The following FGF12 variants were observed in gnomAD, a reference collection of about 807,000 sequenced individuals.
FGF12 encodes the protein fibroblast growth factor 12, also known as fibroblast growth factor 12B.
FGF12 carries 14 observed loss-of-function variants against 23.6 expected under a neutral mutation model. The ratio of observed to expected loss-of-function variants is 0.59; its 90% CI spans 0.39 to 0.93. The LOEUF (loss-of-function observed/expected upper bound fraction) is 0.93. Ranked by LOEUF, FGF12 falls within the 40% of genes least tolerant of loss-of-function variation. The probability of loss-of-function intolerance (pLI) is 0.00; values close to 1 mark genes in which losing one functional copy is unlikely to be tolerated. For missense variants in FGF12, 175 were observed against 217.8 expected (o/e 0.80, Z 1.24); for synonymous variants, 62 against 77.3 (o/e 0.80, Z 1.04).
intron 4 of FGF12, among the ~76,000 whole-genome samples, chr3:192,287,132 A>G (rs1009187957): frequency 6.6e-6 from 1 of 152,050 alleles, no homozygotes; most frequent in African/African-American, 2.4e-5. Flanking sequence ...AATTTTGTCA[A>G]TCTCCCTGTT....
At chr3:192,521,692 T>A (rs920071076) in intron 2 of FGF12, among the ~76,000 whole-genome samples, 2 of 152,154 alleles carry the variant, frequency 1.3e-5, no homozygotes, top group Non-Finnish European at 2.9e-5. Flanking sequence ...TCTGGTAAAC[T>A]TTCCCTCCTA....
chr3:192,162,982 C>G (rs115853728), intron 5 of FGF12, among the ~76,000 whole-genome samples: 140 of 152,238 alleles, frequency 9.2e-4, no homozygotes, highest in African/African-American at 3.2e-3. Flanking sequence ...TTTGATCTGA[C>G]AGAATTCTCT....
chr3:192,332,265 G>T (rs1717163686), intron 4 of FGF12, among the ~76,000 whole-genome samples: 1 of 151,898 alleles, frequency 6.6e-6, no homozygotes, highest in South Asian at 2.1e-4. Context: ...ATTTAGCAAA[G>T]TATGTCGTGA....
chr3:192,148,742 A>G (rs572673697), intron 5 of FGF12, among the ~76,000 whole-genome samples: 163 of 152,336 alleles, frequency 1.1e-3, no homozygotes, highest in Non-Finnish European at 1.7e-3. Flanking sequence ...CAATTCCCCA[A>G]TAATAAAAAA....
intron 4 of FGF12, among the ~76,000 whole-genome samples, chr3:192,184,669 G>T (rs1403042): frequency 1.3e-5 from 2 of 152,272 alleles, no homozygotes; most frequent in South Asian, 2.1e-4. Context: ...GAGTTCATTT[G>T]TGATTCAGAA....
chr3:192,466,002 C>T (rs921290507), intron 2 of FGF12, among the ~76,000 whole-genome samples: 2 of 152,140 alleles, frequency 1.3e-5, no homozygotes, highest in African/African-American at 2.4e-5. Flanking sequence ...CATCATCAGG[C>T]GATCGCTACT....
intron 2 of FGF12, among the ~76,000 whole-genome samples, chr3:192,551,440 T>G (rs1177343367): frequency 1.3e-5 from 2 of 152,252 alleles, no homozygotes; most frequent in African/African-American, 2.4e-5. Flanking sequence ...GAGAGTATTC[T>G]GTGACACTCT....
At chr3:192,157,067 A>G (rs1004837709) in intron 5 of FGF12, among the ~76,000 whole-genome samples, 1 of 152,220 alleles carries the variant, frequency 6.6e-6, no homozygotes, top group African/African-American at 2.4e-5. Context: ...CCTTATTTTC[A>G]GACACAAGGA....
At chr3:192,384,587 A>G (rs544196277) in intron 2 of FGF12, among the ~76,000 whole-genome samples, 2 of 152,350 alleles carry the variant, frequency 1.3e-5, no homozygotes, top group South Asian at 4.1e-4. Context: ...TCTCTTTATA[A>G]CAGGTAATTC....
chr3:192,520,059 C>A (rs1421146436), intron 2 of FGF12, among the ~76,000 whole-genome samples: 1 of 152,324 alleles, frequency 6.6e-6, no homozygotes, highest in East Asian at 1.9e-4. Context: ...AGAACAATAG[C>A]AACCAACATC....
intron 2 of FGF12, among the ~76,000 whole-genome samples, chr3:192,472,311 C>A (rs1269652856): frequency 6.6e-6 from 1 of 152,154 alleles, no homozygotes; most frequent in African/African-American, 2.4e-5. Context: ...CCACCGCACC[C>A]AGCCTAATAT....
At chr3:192,204,913 A>G (rs1043509376) in intron 4 of FGF12, among the ~76,000 whole-genome samples, 29 of 151,874 alleles carry the variant, frequency 1.9e-4, no homozygotes, top group Admixed American at 1.8e-3. Flanking sequence ...AAAGAAAGTA[A>G]GAAAGAAAGA....
At chr3:192,503,755 G>A (rs1161115204) in intron 2 of FGF12, among the ~76,000 whole-genome samples, 2 of 151,784 alleles carry the variant, frequency 1.3e-5, no homozygotes, top group Non-Finnish European at 1.5e-5. Flanking sequence ...ACAGGCGCCC[G>A]CCACCACGCC....
chr3:192,607,953 T>C (rs892018979), intron 2 of FGF12, among the ~76,000 whole-genome samples: 4 of 152,066 alleles, frequency 2.6e-5, no homozygotes, highest in Non-Finnish European at 5.9e-5. Context: ...AAAAACCCAG[T>C]TAGGAACATG....
chr3:192,206,044 A>T (rs896720003), intron 4 of FGF12, among the ~76,000 whole-genome samples: 2 of 152,228 alleles, frequency 1.3e-5, no homozygotes, highest in Admixed American at 6.5e-5. Context: ...ACTCCAAGAA[A>T]ACCATGCATA....
At chr3:192,627,728 G>T (rs561001885) in intron 2 of FGF12, among the ~76,000 whole-genome samples, 1 of 152,094 alleles carries the variant, frequency 6.6e-6, no homozygotes, top group South Asian at 2.1e-4. Context: ...GAGAGAACCC[G>T]TGTATACTTT....
At chr3:192,596,826 C>T (rs1255060748) in intron 2 of FGF12, among the ~76,000 whole-genome samples, 1 of 152,190 alleles carries the variant, frequency 6.6e-6, no homozygotes, top group African/African-American at 2.4e-5. Flanking sequence ...AAAAAATAGA[C>T]TCTATTCCAC....
At chr3:192,170,741 T>G in intron 4 of FGF12, 85 bp from the exon 5 acceptor site, 1 of 1,146,548 alleles carries the variant, frequency 8.7e-7, no homozygotes. Context: ...AAGCTTGAAA[T>G]CCATGTCCTC....
At chr3:192,503,990 A>G (rs922056299) in intron 2 of FGF12, among the ~76,000 whole-genome samples, 2 of 152,118 alleles carry the variant, frequency 1.3e-5, no homozygotes, top group Non-Finnish European at 2.9e-5. Context: ...TACATTCACC[A>G]TGGAATACTA....
Sources: gnomAD v4.1 joint callset for allele counts (sites outside exome capture counted in the v4.1 genomes callset) on GRCh38, gnomAD v4.1.1 for gene constraint, MANE v1.5 for transcripts, NCBI Gene and HGNC (gene_info 2026-07-23, HGNC 2026-07-21) for gene names.